Variants in FAM184B observed in about 807,000 individuals in gnomAD.
FAM184B encodes the protein family with sequence similarity 184 member B, also known as protein FAM184B.
Under a neutral mutation model 135.9 loss-of-function variants are expected in FAM184B, and 111 were observed. That is an observed-to-expected ratio of 0.82 (90% CI 0.70 to 0.96). The LOEUF is 0.96. Among genes scored for constraint, FAM184B ranks in the 40% least tolerant of loss-of-function variants. The pLI is 0.00. For missense variants in FAM184B, 1,375 were observed against 1,323.9 expected, an observed-to-expected ratio of 1.04 and a Z score of -0.60; for synonymous variants, 552 against 524.8, an observed-to-expected ratio of 1.05 and a Z score of -0.71.
intron 8 of FAM184B, among the ~76,000 whole-genome samples, chr4:17,664,165 G>C (rs1715990120): frequency 6.6e-6 from 1 of 152,174 alleles, no homozygotes; most frequent in African/African-American, 2.4e-5. Flanking sequence ...GTTTGTTAGA[G>C]CAGCAATAGC....
intron 6 of FAM184B, among the ~76,000 whole-genome samples, chr4:17,692,026 C>T (rs1057066791): frequency 4.7e-5 from 7 of 148,200 alleles, no homozygotes; most frequent in East Asian, 4.0e-4. Context: ...GCACTCCAGT[C>T]GGGCAACAGA....
intron 7 of FAM184B, among the ~76,000 whole-genome samples, chr4:17,678,813 A>G (rs1373554766): frequency 6.6e-6 from 1 of 152,224 alleles, no homozygotes; most frequent in Non-Finnish European, 1.5e-5. Context: ...ACAGCATGGT[A>G]CTGGTATAAA....
At chr4:17,738,826 T>A (rs759696640) in intron 1 of FAM184B, among the ~76,000 whole-genome samples, 8 of 152,090 alleles carry the variant, frequency 5.3e-5, no homozygotes, top group Non-Finnish European at 8.8e-5. Flanking sequence ...GAGTTTTCAC[T>A]CTATTATTAT....
intron 5 of FAM184B, among the ~76,000 whole-genome samples, chr4:17,696,129 C>T (rs1337925942): frequency 6.6e-6 from 1 of 152,184 alleles, no homozygotes; most frequent in African/African-American, 2.4e-5. Flanking sequence ...CACAGATCAT[C>T]TCTCTGGTCT....
At chr4:17,686,453 A>G (rs1417066437) in intron 7 of FAM184B, among the ~76,000 whole-genome samples, 2 of 152,176 alleles carry the variant, frequency 1.3e-5, no homozygotes, top group Non-Finnish European at 2.9e-5. Context: ...GCTCCCCTTA[A>G]CCCAATGACA....
chr4:17,725,007 G>T (rs1016195142), intron 1 of FAM184B, among the ~76,000 whole-genome samples: 3 of 152,034 alleles, frequency 2.0e-5, no homozygotes, highest in African/African-American at 7.2e-5. Flanking sequence ...ATCTCTATCT[G>T]CCCCCGCATA....
intron 5 of FAM184B, 67 bp from the exon 6 acceptor site, chr4:17,693,479 C>T (rs1716784174): frequency 8.2e-7 from 1 of 1,223,204 alleles, no homozygotes; most frequent in African/African-American, 1.5e-5. Flanking sequence ...TTTTCACACC[C>T]TGCCTTATTC....
intron 7 of FAM184B, 81 bp from the exon 8 acceptor site, chr4:17,664,740 A>G: frequency 8.3e-7 from 1 of 1,211,082 alleles, no homozygotes; most frequent in Non-Finnish European, 1.1e-6. Flanking sequence ...CCTGTGGCTT[A>G]TTCAAATCAG....
chr4:17,759,231 C>T (rs1718489000), intron 1 of FAM184B, among the ~76,000 whole-genome samples: 1 of 152,120 alleles, frequency 6.6e-6, no homozygotes, highest in Non-Finnish European at 1.5e-5. Context: ...TTGTAATCCC[C>T]AATGTTGGAA....
chr4:17,642,611 CAG>C (rs970856938), intron 12 of FAM184B, among the ~76,000 whole-genome samples: 55 of 152,214 alleles, frequency 3.6e-4, no homozygotes, highest in Non-Finnish European at 5.7e-4. Context: ...CCCTACCTCT[CAG>C]GGGGAACTGA....
rs375223629 is a variant in FAM184B, at chr4:17,732,742, A to C, written c.142-23098T>G. 5.8e-4 allele frequency among the ~76,000 whole-genome samples: 88 copies of C among 152,308 alleles called. 2 individuals are homozygous for C. The South Asian group carries it at 0.018, about 31-fold the overall frequency. ...CCAGGACCAGATGGATTCACAGCCA[A>C]ATTCTACCAGAGGTACAAGGAGGAG... On this transcript the variant is annotated intron_variant, in intron 1 of 17. Transcript: ENST00000265018.
Position 17,779,906 on chromosome 4 carries a change from AG to A in FAM184B, c.141+1252del, listed in dbSNP as rs1389746995. Among the ~76,000 whole-genome samples the A allele has an allele frequency of 3.3e-5, 5 of 152,214 alleles. No individual in the cohort carries two copies. In the East Asian group the frequency reaches 9.6e-4, roughly 29 times the overall value. On this transcript the variant is annotated intron_variant, in intron 1 of 17. Coordinates refer to ENST00000265018, the MANE Select transcript of FAM184B (RefSeq NM_015688.2). ...CTTGCACTGTGCCAAGTGCCTTTTCAGGTACTTGAATAAATACATGTTTTGG... is the reference window on the plus strand; with the variant it reads ...CTTGCACTGTGCCAAGTGCCTTTTCAGTACTTGAATAAATACATGTTTTGG...
chr4:17,636,786 G>T (rs750977610), intron 14 of FAM184B, 141 bp from the exon 15 acceptor site: 2 of 668,990 alleles, frequency 3.0e-6, no homozygotes, highest in Non-Finnish European at 2.5e-6. Flanking sequence ...CTTGCCCAGG[G>T]CCCCCTGGGG....
At chr4:17,672,102 A>G (rs937178104) in intron 7 of FAM184B, among the ~76,000 whole-genome samples, 1 of 152,184 alleles carries the variant, frequency 6.6e-6, no homozygotes, top group African/African-American at 2.4e-5. Context: ...ACTGAGACAG[A>G]TAATCAAATT....
intron 7 of FAM184B, among the ~76,000 whole-genome samples, chr4:17,678,004 A>G (rs550294488): frequency 5.3e-5 from 8 of 152,334 alleles, no homozygotes; most frequent in African/African-American, 1.9e-4. Flanking sequence ...CAAAATCGGT[A>G]TAGAAGGAAC....
At chr4:17,765,994 G>C (rs749280228) in intron 1 of FAM184B, among the ~76,000 whole-genome samples, 1 of 152,160 alleles carries the variant, frequency 6.6e-6, no homozygotes, top group Admixed American at 6.5e-5. Context: ...GCAGGTTCAT[G>C]ATCTAACTGG....
intron 1 of FAM184B, among the ~76,000 whole-genome samples, chr4:17,770,436 AGTTGTTGTTGTTGTT>A (rs10597477): frequency 7.4e-5 from 7 of 94,908 alleles, no homozygotes; most frequent in Non-Finnish European, 1.8e-4. Flanking sequence ...CCTCAGAACT[AGTTGTTGTTGTTGTT>A]GTTGTTGTTG....
chr4:17,736,254 A>G (rs1577283121), intron 1 of FAM184B, among the ~76,000 whole-genome samples: 1 of 152,204 alleles, frequency 6.6e-6, no homozygotes, highest in Non-Finnish European at 1.5e-5. Context: ...GTCTGACTCC[A>G]CAGCCTGTGT....
chr4:17,642,134 A>T lies in FAM184B; in HGVS notation c.2441T>A (p.Leu814His), dbSNP rs1270562194. ...GCGCAGCCGCCGCACCGCGTCCTGG[A>T]GCTGCGCGTTCTCCTCCCAGAGCCC... ...GCGLWEENAQ[L>H]QDAVRRLRAE... The change falls in exon 13 of 18, where the codon CTC becomes CAC. Residue 814 changes from leucine (L) to histidine (H), a missense_variant. Leu to His is a moderately conservative substitution (Grantham distance 99, BLOSUM62 -3). Transcript: ENST00000265018. 1 of 1,533,268 alleles carries T rather than the reference A, an allele frequency of 6.5e-7. No homozygotes were observed. The highest frequency in any genetic ancestry group is 2.0e-5 in the Admixed American group (1 of 50,864). The allele number at this position is 1,533,268 out of a possible 1,614,324, so 95.0% of individuals were successfully genotyped here.
Sources: allele counts gnomAD v4.1 joint callset (sites outside exome capture counted in the v4.1 genomes callset), GRCh38; gene constraint gnomAD v4.1.1; transcripts MANE v1.5; gene names NCBI Gene and HGNC (gene_info 2026-07-23, HGNC 2026-07-21).